LENG8: variants seen among roughly 807,000 people sequenced by gnomAD.
The protein encoded by LENG8 is leukocyte receptor cluster (LRC) member 8.
In LENG8, 28 loss-of-function variants were observed where a neutral mutation model predicts 102.1. The observed-to-expected ratio is 0.27, with a 90% CI of 0.20 to 0.38. The LOEUF (loss-of-function observed/expected upper bound fraction) is 0.38. Among genes scored for constraint, LENG8 ranks in the 10% least tolerant of loss-of-function variants. The pLI, the probability that LENG8 is intolerant of heterozygous loss-of-function variation, is 1.00. For missense variants in LENG8, 1,022 were observed against 1,113.9 expected, an observed-to-expected ratio of 0.92 and a Z score of 1.17; for synonymous variants, 531 against 456.7, an observed-to-expected ratio of 1.16 and a Z score of -2.07.
At position 54,451,351 on chromosome 19, in the gene LENG8, G is replaced by A; in HGVS notation, c.7G>A (p.Ala3Thr). 6.2e-7 allele frequency: 1 copy of A among 1,614,216 alleles called. No individual in the cohort carries two copies. Among genetic ancestry groups the A allele is most frequent in the Non-Finnish European group, 8.5e-7 (1 of 1,180,034 alleles). Reference sequence around the variant, plus strand: ...CTTATACCCCAAGGTCCAGATGGCGGCCAACGTGGGTGATCAACGTAGCAC... The same window carrying A: ...CTTATACCCCAAGGTCCAGATGGCGACCAACGTGGGTGATCAACGTAGCAC... MA[A>T]NVGDQRSTDW... is the part of the protein sequence containing the mutation. Residue 3 changes from alanine to threonine, a missense_variant, in exon 2 of 16, where the codon GCC (alanine) becomes ACC (threonine). Coordinates refer to ENST00000326764, the MANE Select transcript of LENG8 (RefSeq NM_052925.4).
rs200821147 is a variant in LENG8 at position 54,456,299 on chromosome 19, C to G, written c.1305-26C>G. The G allele has an allele frequency of 2.0e-4, 329 of 1,613,988 alleles. No homozygotes were observed. In the Middle Eastern group the frequency reaches 2.3e-3, roughly 11 times the overall value. On this transcript the variant is annotated intron_variant, in intron 9 of 15. Transcript: ENST00000326764. The stretch of plus-strand genomic sequence containing the variant: ...GTGAGGGAGGGGGAGGCGTTTCAGG[C>G]CTGACCCTCCTGCTTCTTCCTGCAG...
At chr19:54,453,253 C>T (rs1442560692) in intron 4 of LENG8, among the ~76,000 whole-genome samples, 1 of 152,194 alleles carries the variant, frequency 6.6e-6, no homozygotes, top group African/African-American at 2.4e-5. Flanking sequence ...ACATGTAATT[C>T]CAGCACAAGC....
chr19:54,459,989 A>G, intron 15 of LENG8: 1 of 1,237,624 alleles, frequency 8.1e-7, no homozygotes, highest in Non-Finnish European at 1.0e-6. Context: ...CATAGCCATG[A>G]GTGCCCCTCG....
At chr19:54,454,833 C>CT in intron 6 of LENG8, 118 bp from the exon 7 acceptor site, 1 of 1,453,526 alleles carries the variant, frequency 6.9e-7, no homozygotes, top group South Asian at 1.3e-5. Context: ...CACATGTGTG[C>CT]TGGAGCCCTC....
At chr19:54,452,779 C>T (rs1286855198) in intron 4 of LENG8, 27 bp downstream of exon 4, 5 of 1,550,780 alleles carry the variant, frequency 3.2e-6, no homozygotes, top group South Asian at 2.2e-5. Context: ...TGGGGCGGGG[C>T]AGGGCGAGGT....
In LENG8 at chr19:54,461,831, A is replaced by T; in HGVS notation, c.*903A>T. On this transcript the variant is annotated 3_prime_UTR_variant, in exon 16 of 16. Transcript: ENST00000326764. Reference sequence around the variant, plus strand: ...TCCCTCCCTCCCTCTTCTGCCATGTAACTGGAGGATGTGCTATGAGTTTGC... The same window carrying T: ...TCCCTCCCTCCCTCTTCTGCCATGTTACTGGAGGATGTGCTATGAGTTTGC... The T allele has an allele frequency of 1.7e-6, 1 of 599,888 alleles. No individual in the cohort carries two copies. 37.2% of individuals were successfully genotyped at this position (599,888 alleles called of 1,614,324 possible).
chr19:54,454,628 T>C lies in LENG8; in HGVS notation c.625T>C (p.Tyr209His). 1 of 1,608,854 alleles carries C rather than the reference T, an allele frequency of 6.2e-7. No homozygotes were observed. The highest frequency in any genetic ancestry group is 8.5e-7 in the Non-Finnish European group (1 of 1,179,054). Residue 209 changes from tyrosine to histidine, a missense_variant, in exon 6 of 16, where the codon TAC becomes CAC. Tyr to His is a moderately conservative substitution (Grantham distance 83). Transcript: ENST00000326764. ...ATGQAYGPHT[Y>H]TEPAKPKKGQ... Reference sequence around the variant, plus strand: ...GGGCCAGGCCTATGGGCCACACACCTACACCGAACCTGCCAAGCCCAAGAA... The same window carrying C: ...GGGCCAGGCCTATGGGCCACACACCCACACCGAACCTGCCAAGCCCAAGAA...
Position 54,456,471 on chromosome 19 carries a change from A to G in LENG8, c.1445+6A>G, listed in dbSNP as rs773987834. On this transcript the variant is annotated splice_donor_region_variant and intron_variant, in intron 10 of 15. Transcript: ENST00000326764. ...AGGGCGCAGCGTGGGAAGAGGTGAG[A>G]CTGTGTGAGGGCTCGACACACGGGC... 3.7e-6 allele frequency: 6 copies of G among 1,601,542 alleles called. No individual in the cohort carries two copies. In the South Asian group the frequency reaches 6.6e-5, roughly 18 times the overall value.
intron 11 of LENG8, 50 bp downstream of exon 11, chr19:54,456,971 G>T: frequency 6.5e-7 from 1 of 1,527,322 alleles, no homozygotes; most frequent in South Asian, 1.2e-5. Flanking sequence ...GCTGGCTCAG[G>T]ACTTGGGGAG....
At position 54,453,617 on chromosome 19, in the gene LENG8, G is replaced by A; in HGVS notation, c.387G>A (p.Gln129=). The A allele has an allele frequency of 6.2e-7, 1 of 1,613,910 alleles. No individual in the cohort carries two copies. Among genetic ancestry groups the A allele is most frequent in the South Asian group, 1.1e-5 (1 of 91,026 alleles). Reference sequence around the variant, plus strand: ...GCTCCTATGGCTCAGCCACACCCCAGCAGCCATCCGCACCCCAACACCAAG... The same window carrying A: ...GCTCCTATGGCTCAGCCACACCCCAACAGCCATCCGCACCCCAACACCAAG... ...MAGSYGSATP[Q]QPSAPQHQGT... Residue 129 remains glutamine (Q), a synonymous_variant, in exon 5 of 16, where the codon CAG becomes CAA. Transcript: ENST00000326764.
In LENG8 at chr19:54,458,773, C is replaced by T. The variant is rs757477130; in HGVS notation, c.2240+252C>T. On this transcript the variant is annotated intron_variant, in intron 15 of 15. Transcript: ENST00000326764. The stretch of plus-strand genomic sequence containing the variant: ...TCCCAGCTCACTGCCTCTGGGGCCT[C>T]TTCTCCACCCCATCTGTGTGTCTCT... 325 of 1,551,136 alleles carry T rather than the reference C, an allele frequency of 2.1e-4. 2 individuals carry two copies. The highest frequency in any genetic ancestry group is 2.5e-4 in the Non-Finnish European group (289 of 1,147,170).
intron 5 of LENG8, 26 bp downstream of exon 5, chr19:54,453,682 C>G: frequency 3.3e-6 from 5 of 1,521,830 alleles, no homozygotes; most frequent in Non-Finnish European, 4.5e-6. Flanking sequence ...AGCTCCCATA[C>G]CCTGCTCAAG....
rs978525615 is a variant in LENG8, at chr19:54,461,562, C to G, written c.*634C>G. The G allele has an allele frequency of 1.5e-5, 7 of 472,198 alleles. No homozygotes were observed. The highest frequency in any genetic ancestry group is 1.4e-4 in the African/African-American group (7 of 50,120). The allele number at this position is 472,198 out of a possible 1,614,324, so 29.3% of individuals were successfully genotyped here. On this transcript the variant is annotated 3_prime_UTR_variant, in exon 16 of 16. Coordinates refer to ENST00000326764, the MANE Select transcript of LENG8 (RefSeq NM_052925.4). ...ACACGCCGGCCGGGCCGCCTCGTCT[C>G]AAGTTGTATAAAGTTGTCTCCGTGT...
rs571687283 is a variant in LENG8, at chr19:54,449,249, G to C, written c.-117G>C. The C allele has an allele frequency of 1.3e-5, 2 of 152,456 alleles. No homozygotes were observed. The highest frequency in any genetic ancestry group is 3.9e-4 in the East Asian group (2 of 5,174). The allele number at this position is 152,456 out of a possible 1,614,324, so 9.4% of individuals were successfully genotyped here. On this transcript the variant is annotated 5_prime_UTR_variant, in exon 1 of 16. Coordinates refer to ENST00000326764, the MANE Select transcript of LENG8 (RefSeq NM_052925.4). ...CAGCCGGGTGGCACAGCGGTGTCGT[G>C]GCCGTGTTGCTGATCGCCTGGGTGG...
In LENG8 at chr19:54,456,406, C is replaced by T. The variant is rs201050207; in HGVS notation, c.1386C>T (p.Gly462=). The T allele has an allele frequency of 2.3e-5, 37 of 1,610,792 alleles. No individual in the cohort carries two copies. In the East Asian group the frequency reaches 4.5e-4, roughly 19 times the overall value. Residue 462 remains glycine, a synonymous_variant, in exon 10 of 16, where the codon GGC becomes GGT. Transcript: ENST00000326764. The part of the protein sequence containing the change: ...PVGRRNPPPK[G]RGGRGAHMDR... ...GCCGCAGGAACCCGCCCCCTAAGGG[C>T]CGGGGCGGTCGAGGGGCCCATATGG...
Position 54,461,231 on chromosome 19 carries a change from T to TCC in LENG8, c.*304_*305insCC. The TCC allele has an allele frequency of 1.8e-6, 1 of 563,326 alleles. No individual in the cohort carries two copies. The highest frequency in any genetic ancestry group is 1.6e-5 in the South Asian group (1 of 63,308). 34.9% of individuals were successfully genotyped at this position (563,326 alleles called of 1,614,324 possible). On this transcript the variant is annotated 3_prime_UTR_variant, in exon 16 of 16. Transcript: ENST00000326764. ...CTCCACTAATGCTGTCTCAGTGTTT[T>TCC]CTCTCTCTCTCTTTCGAGCTTGCAC... is the stretch of plus-strand genomic sequence containing the variant.
rs1315240517 is a variant in LENG8 at position 54,456,061 on chromosome 19, A to G, written c.1120A>G (p.Arg374Gly). 3.1e-6 allele frequency: 5 copies of G among 1,610,902 alleles called. No homozygotes were observed. Among genetic ancestry groups the G allele is most frequent in the East Asian group, 4.5e-5 (2 of 44,790 alleles). ...HPPRGAGSATRGGGAPSQRGT... is the reference protein window; with the variant it reads ...HPPRGAGSATGGGGAPSQRGT... ...TCCTAGAGGGGCAGGCTCGGCGACA[A>G]GGGGCGGGGGTGCCCCGTCCCAGCG... The change falls in exon 9 of 16, where the codon AGG (arginine) becomes GGG (glycine). Residue 374 changes from arginine (R) to glycine (G), a missense_variant. Arg to Gly is a moderately radical substitution (Grantham distance 125, BLOSUM62 -2). Coordinates refer to ENST00000326764, the MANE Select transcript of LENG8 (RefSeq NM_052925.4).
intron 1 of LENG8, among the ~76,000 whole-genome samples, chr19:54,450,279 C>G (rs998603034): frequency 6.6e-6 from 1 of 152,190 alleles, no homozygotes; most frequent in Non-Finnish European, 1.5e-5. Context: ...AGGACTCCCA[C>G]GTAGGTCTCT....
rs567227866 is a variant in LENG8 at position 54,455,207 on chromosome 19, C to T, written c.821+115C>T. ...CCTCAGTGTGCGCCTCTGAAAAGGGCAGAAGGACCCTCTCTTGGGGGTTGC... is the reference window on the plus strand; with the variant it reads ...CCTCAGTGTGCGCCTCTGAAAAGGGTAGAAGGACCCTCTCTTGGGGGTTGC... On this transcript the variant is annotated intron_variant, in intron 7 of 15. Coordinates refer to ENST00000326764, the MANE Select transcript of LENG8 (RefSeq NM_052925.4). 21 of 1,513,138 alleles carry T rather than the reference C, an allele frequency of 1.4e-5. No homozygotes were observed. In the African/African-American group the frequency reaches 2.6e-4, roughly 19 times the overall value. The allele number at this position is 1,513,138 out of a possible 1,614,324, so 93.7% of individuals were successfully genotyped here.
Sources: gnomAD v4.1 joint callset for allele counts (sites outside exome capture counted in the v4.1 genomes callset) on GRCh38, gnomAD v4.1.1 for gene constraint, MANE v1.5 for transcripts, NCBI Gene and HGNC (gene_info 2026-07-23, HGNC 2026-07-21) for gene names.